C12orf60: variants seen among roughly 807,000 people sequenced by gnomAD.
C12orf60 encodes chromosome 12 open reading frame 60.
For missense variants in C12orf60, 284 were observed against 283.2 expected, an observed-to-expected ratio of 1.00 and a Z score of -0.02; for synonymous variants, 102 against 94.6, an observed-to-expected ratio of 1.08 and a Z score of -0.45.
intron 1 of C12orf60, among the ~76,000 whole-genome samples, chr12:14,804,461 A>G (rs954015449): frequency 1.6e-4 from 25 of 152,204 alleles, no homozygotes; most frequent in African/African-American, 5.3e-4. Context: ...GATACATACT[A>G]ATTTTTAGCA....
intron 1 of C12orf60, among the ~76,000 whole-genome samples, chr12:14,821,747 C>T (rs1235500264): frequency 6.6e-6 from 1 of 151,716 alleles, no homozygotes; most frequent in Non-Finnish European, 1.5e-5. Context: ...TCCCGGGGGT[C>T]CCCTTTCCTG....
At position 14,806,656 on chromosome 12, in the gene C12orf60, G is replaced by C. The variant is rs201011813; in HGVS notation, c.-25+2905G>C. 2.0e-4 allele frequency: 325 copies of C among 1,597,738 alleles called. No homozygotes were observed. Among genetic ancestry groups the C allele is most frequent in the Non-Finnish European group, 2.5e-4 (295 of 1,173,842 alleles). On this transcript the variant is annotated intron_variant, in intron 1 of 1. Transcript: ENST00000330828. ...TCTTCCCGCCTTTTTGGGTTCTCTG[G>C]GTAAAGGAAGTCACTTTGGGCCATA... is the stretch of plus-strand genomic sequence containing the variant.
At chr12:14,814,626 A>AT (rs200867904) in intron 1 of C12orf60, among the ~76,000 whole-genome samples, 4 of 151,458 alleles carry the variant, frequency 2.6e-5, no homozygotes, top group South Asian at 2.1e-4. Context: ...CTTGCATCCA[A>AT]TTTTTTTTTC....
In C12orf60 at chr12:14,823,827, C is replaced by T; in HGVS notation, c.*154C>T. 2 of 558,292 alleles carry T rather than the reference C, an allele frequency of 3.6e-6. No homozygotes were observed. Among genetic ancestry groups the T allele is most frequent in the Non-Finnish European group, 5.7e-6 (2 of 351,106 alleles). The allele number at this position is 558,292 out of a possible 1,614,324, so 34.6% of individuals were successfully genotyped here. On this transcript the variant is annotated 3_prime_UTR_variant, in exon 2 of 2. Transcript: ENST00000330828. The stretch of plus-strand genomic sequence containing the variant: ...GGCAAAACATTTACCTGTAGTTTTG[C>T]TTTATTAAAATAAAAAGAAATAATT...
intron 1 of C12orf60, among the ~76,000 whole-genome samples, chr12:14,804,427 T>C (rs879422549): frequency 6.6e-6 from 1 of 152,254 alleles, no homozygotes; most frequent in Admixed American, 6.5e-5. Flanking sequence ...CCACCAGTTA[T>C]AAATATTTCA....
At chr12:14,812,932 G>A (rs182677337) in intron 1 of C12orf60, among the ~76,000 whole-genome samples, 2 of 152,078 alleles carry the variant, frequency 1.3e-5, no homozygotes, top group African/African-American at 4.8e-5. Flanking sequence ...GGAAGAGTAA[G>A]GTTAAATTTC....
intron 1 of C12orf60, among the ~76,000 whole-genome samples, chr12:14,808,461 T>C (rs1950087505): frequency 6.6e-6 from 1 of 152,192 alleles, no homozygotes; most frequent in African/African-American, 2.4e-5. Flanking sequence ...AGCCTCTTTT[T>C]GAGTAAATAA....
At chr12:14,804,832 AG>A (rs1950023289) in intron 1 of C12orf60, 1 of 152,226 alleles carries the variant, frequency 6.6e-6, no homozygotes, top group Non-Finnish European at 1.5e-5. Context: ...ACTATTTTTA[AG>A]ATATGCTGAG....
rs771154364 is a variant in C12orf60 at position 14,806,346 on chromosome 12, A to G, written c.-25+2595A>G. On this transcript the variant is annotated intron_variant, in intron 1 of 1. Coordinates refer to ENST00000330828, the MANE Select transcript of C12orf60 (RefSeq NM_175874.4). ...GATGACCGAAATAACCTTTTGCACTATTGCAATTTTGTCTGTTTCCTTTTC... is the reference window on the plus strand; with the variant it reads ...GATGACCGAAATAACCTTTTGCACTGTTGCAATTTTGTCTGTTTCCTTTTC... 9.9e-6 allele frequency: 16 copies of G among 1,613,558 alleles called. No individual in the cohort carries two copies. The highest frequency in any genetic ancestry group is 6.6e-5 in the South Asian group (6 of 91,074).
At chr12:14,808,828 C>T (rs937235384) in intron 1 of C12orf60, among the ~76,000 whole-genome samples, 2 of 152,146 alleles carry the variant, frequency 1.3e-5, no homozygotes, top group African/African-American at 4.8e-5. Context: ...CACACATTTC[C>T]ACAAAACAAT....
At chr12:14,806,139 C>T (rs767051517) in intron 1 of C12orf60, 50 of 1,613,942 alleles carry the variant, frequency 3.1e-5, no homozygotes, top group Non-Finnish European at 4.1e-5. Context: ...TTCCACTGCT[C>T]CCAGGATGGC....
chr12:14,822,788 G>A (rs751460950), intron 1 of C12orf60, 124 bp from the exon 2 acceptor site: 55 of 707,682 alleles, frequency 7.8e-5, no homozygotes, highest in Non-Finnish European at 1.2e-4. Flanking sequence ...TTGTTTCAAC[G>A]TATGTATAGC....
chr12:14,804,764 A>G (rs556315361), intron 1 of C12orf60: 8 of 152,362 alleles, frequency 5.3e-5, no homozygotes, highest in Admixed American at 2.0e-4. Flanking sequence ...AGAAAGAGAA[A>G]ACAGTGTATG....
chr12:14,804,891 T>C (rs1950024410), intron 1 of C12orf60: 1 of 152,242 alleles, frequency 6.6e-6, no homozygotes, highest in Non-Finnish European at 1.5e-5. Context: ...GAGAATCAAC[T>C]ATAACAAACA....
At position 14,823,292 on chromosome 12, in the gene C12orf60, T is replaced by C. The variant is rs986288019; in HGVS notation, c.357T>C (p.His119=). 17 of 1,614,128 alleles carry C rather than the reference T, an allele frequency of 1.1e-5. 1 individual carries two copies. The East Asian group carries it at 3.8e-4, about 36-fold the overall frequency. Residue 119 remains histidine (H), a synonymous_variant, in exon 2 of 2, where the codon CAT becomes CAC. Coordinates refer to ENST00000330828, the MANE Select transcript of C12orf60 (RefSeq NM_175874.4). ...QSAKEVFKSA[H]TPVIISVLNS... ...CTAAAGAAGTATTCAAAAGTGCCCA[T>C]ACGCCAGTCATCATCTCTGTGCTAA...
chr12:14,813,116 G>T (rs1311356061), intron 1 of C12orf60, among the ~76,000 whole-genome samples: 4 of 152,156 alleles, frequency 2.6e-5, no homozygotes, highest in Admixed American at 1.3e-4. Flanking sequence ...ATGGGTACAT[G>T]GGAGTTTATT....
intron 1 of C12orf60, chr12:14,806,401 T>C (rs1276863846): frequency 1.2e-6 from 2 of 1,614,110 alleles, no homozygotes; most frequent in Admixed American, 3.3e-5. Flanking sequence ...CTATAGAGGG[T>C]TGGCTCTAGC....
At chr12:14,816,458 AT>A (rs1950220355) in intron 1 of C12orf60, among the ~76,000 whole-genome samples, 2 of 152,114 alleles carry the variant, frequency 1.3e-5, no homozygotes, top group African/African-American at 4.8e-5. Context: ...TTAAAAAAAA[AT>A]CAAGCAAACC....
chr12:14,809,573 G>C (rs910344309), intron 1 of C12orf60, among the ~76,000 whole-genome samples: 4 of 152,116 alleles, frequency 2.6e-5, no homozygotes, highest in African/African-American at 9.7e-5. Flanking sequence ...AAATGGTCTT[G>C]AGTCATGGGC....
Sources: gnomAD v4.1 joint callset for allele counts (sites outside exome capture counted in the v4.1 genomes callset) on GRCh38, gnomAD v4.1.1 for gene constraint, MANE v1.5 for transcripts, NCBI Gene and HGNC (gene_info 2026-07-23, HGNC 2026-07-21) for gene names.